GPC6: variants seen among roughly 807,000 people sequenced by gnomAD.
GPC6 encodes glypican 6.
Under a neutral mutation model 55.2 loss-of-function variants are expected in GPC6, and 14 were observed. The ratio of observed to expected loss-of-function variants is 0.25; its 90% CI spans 0.17 to 0.40. GPC6 has a LOEUF of 0.40. Ranked by LOEUF, GPC6 falls within the 10% of genes least tolerant of loss-of-function variation. GPC6 has a pLI of 1.00. For synonymous variants in GPC6, 278 were observed against 259.6 expected (o/e 1.07, Z -0.68); for missense variants, 641 against 708.5 (o/e 0.90, Z 1.08).
intron 1 of GPC6, among the ~76,000 whole-genome samples, chr13:93,538,554 T>C (rs554924925): frequency 3.4e-4 from 51 of 152,206 alleles, no homozygotes; most frequent in Non-Finnish European, 6.3e-4. Context: ...GATCAGCGTT[T>C]TGCTGCCTTA....
At chr13:93,470,922 T>C (rs1445270) in intron 1 of GPC6, among the ~76,000 whole-genome samples, 37,303 of 152,104 alleles carry the variant, frequency 0.25, 4,984 homozygotes, top group Middle Eastern at 0.32. Flanking sequence ...TTTATGTTCA[T>C]AGAGTTGTTC....
intron 2 of GPC6, among the ~76,000 whole-genome samples, chr13:93,617,418 C>T (rs980461217): frequency 3.3e-5 from 5 of 151,958 alleles, no homozygotes; most frequent in Admixed American, 6.6e-5. Context: ...TCAACAAATA[C>T]GTGTTGAAAG....
At chr13:94,062,254 T>A (rs1393930205) in intron 4 of GPC6, among the ~76,000 whole-genome samples, 3 of 152,066 alleles carry the variant, frequency 2.0e-5, no homozygotes, top group Non-Finnish European at 4.4e-5. Flanking sequence ...TTTGTTTTGT[T>A]TTGTTTTTTC....
chr13:93,435,396 G>A (rs1445962568), intron 1 of GPC6, among the ~76,000 whole-genome samples: 2 of 151,976 alleles, frequency 1.3e-5, no homozygotes, highest in South Asian at 2.1e-4. Context: ...TACTACAGTC[G>A]TGAGTCACCA....
intron 6 of GPC6, among the ~76,000 whole-genome samples, chr13:94,356,861 C>G (rs1878822257): frequency 6.6e-6 from 1 of 152,104 alleles, no homozygotes; most frequent in Non-Finnish European, 1.5e-5. Flanking sequence ...AGGATTGCAC[C>G]ACTGGACTCT....
At chr13:94,255,411 T>G (rs1891473842) in intron 4 of GPC6, among the ~76,000 whole-genome samples, 2 of 152,116 alleles carry the variant, frequency 1.3e-5, no homozygotes, top group Admixed American at 1.3e-4. Context: ...CAGTATACAA[T>G]CAAGTTCAAA....
chr13:93,717,566 A>G (rs1185804379), intron 2 of GPC6, among the ~76,000 whole-genome samples: 2 of 151,662 alleles, frequency 1.3e-5, no homozygotes, highest in Non-Finnish European at 3.0e-5. Context: ...CTTTTATAAC[A>G]TGATGCTGAT....
At chr13:93,869,156 C>T (rs1468048194) in intron 3 of GPC6, among the ~76,000 whole-genome samples, 1 of 151,918 alleles carries the variant, frequency 6.6e-6, no homozygotes, top group South Asian at 2.1e-4. Context: ...TTTTTACAGC[C>T]CACGGTTGGA....
At chr13:93,254,478 TG>T (rs1199048466) in intron 1 of GPC6, among the ~76,000 whole-genome samples, 1 of 152,218 alleles carries the variant, frequency 6.6e-6, no homozygotes, top group East Asian at 1.9e-4. Flanking sequence ...ATAGAACAAT[TG>T]TTTCATGAAT....
intron 1 of GPC6, among the ~76,000 whole-genome samples, chr13:93,399,308 T>C (rs1023050146): frequency 2.0e-5 from 3 of 152,228 alleles, no homozygotes; most frequent in African/African-American, 7.2e-5. Context: ...TGTTCACTTG[T>C]TTTAACACTG....
chr13:93,494,984 A>C (rs1880200903), intron 1 of GPC6, among the ~76,000 whole-genome samples: 1 of 137,290 alleles, frequency 7.3e-6, no homozygotes, highest in Non-Finnish European at 1.6e-5. Context: ...ACTTTGGTGA[A>C]TCTGACAATT....
intron 2 of GPC6, among the ~76,000 whole-genome samples, chr13:93,563,671 G>A (rs1203933439): frequency 3.3e-5 from 5 of 151,510 alleles, no homozygotes; most frequent in Non-Finnish European, 7.4e-5. Flanking sequence ...GCATTTGAAA[G>A]TAGAAATTCT....
intron 7 of GPC6, among the ~76,000 whole-genome samples, chr13:94,393,001 A>G (rs1358233611): frequency 6.6e-6 from 1 of 152,166 alleles, no homozygotes; most frequent in African/African-American, 2.4e-5. Flanking sequence ...CAGGGTTCCA[A>G]TCTCTCCACA....
intron 6 of GPC6, among the ~76,000 whole-genome samples, chr13:94,359,808 G>T (rs908027411): frequency 2.0e-5 from 3 of 152,160 alleles, no homozygotes; most frequent in African/African-American, 7.2e-5. Flanking sequence ...ATAAAAAGGT[G>T]ATTCCTCCAA....
Position 93,638,024 on chromosome 13 carries a change from G to A in GPC6, c.319+92603G>A, listed in dbSNP as rs114467715. Among the ~76,000 whole-genome samples the A allele has an allele frequency of 7.3e-3, 1,116 of 152,028 alleles. 10 individuals carry two copies. The highest frequency in any genetic ancestry group is 0.025 in the African/African-American group (1,055 of 41,480). ...ATTATAAAAACCTAGAACTTTCGGA[G>A]TTCACAAATTGCTGAGCTTTCAAAA... On this transcript the variant is annotated intron_variant, in intron 2 of 8. Coordinates refer to ENST00000377047, the MANE Select transcript of GPC6 (RefSeq NM_005708.5).
chr13:93,925,196 C>T (rs2140348953), intron 3 of GPC6, among the ~76,000 whole-genome samples: 1 of 152,254 alleles, frequency 6.6e-6, no homozygotes, highest in South Asian at 2.1e-4. Flanking sequence ...GATTTACAAA[C>T]TCACTTAAGG....
At chr13:93,999,185 C>T (rs1171162133) in intron 3 of GPC6, among the ~76,000 whole-genome samples, 2 of 152,152 alleles carry the variant, frequency 1.3e-5, no homozygotes, top group African/African-American at 4.8e-5. Flanking sequence ...CCCCTAGCTC[C>T]CCAGCCCTCG....
chr13:93,965,162 C>T (rs1422870977), intron 3 of GPC6, among the ~76,000 whole-genome samples: 3 of 116,364 alleles, frequency 2.6e-5, no homozygotes, highest in Admixed American at 2.2e-4. Context: ...TTAAAAATAA[C>T]CACGATTGGG....
At chr13:93,714,832 G>T (rs1055649503) in intron 2 of GPC6, among the ~76,000 whole-genome samples, 17 of 148,550 alleles carry the variant, frequency 1.1e-4, no homozygotes, top group Middle Eastern at 3.4e-3. Flanking sequence ...TAGAGGGAGG[G>T]TTATTCATAA....
Sources: allele counts gnomAD v4.1 joint callset (sites outside exome capture counted in the v4.1 genomes callset), GRCh38; gene constraint gnomAD v4.1.1; transcripts MANE v1.5; gene names NCBI Gene and HGNC (gene_info 2026-07-23, HGNC 2026-07-21).